Variants in CEP63 observed in about 807,000 individuals in gnomAD.
The protein encoded by CEP63 is centrosomal protein 63, also known as centrosomal protein of 63 kDa.
CEP63 carries 84 observed loss-of-function variants against 89.1 expected under a neutral mutation model. That is an observed-to-expected ratio of 0.94 (90% CI 0.79 to 1.13). The LOEUF (loss-of-function observed/expected upper bound fraction) is 1.13. Among genes scored for constraint, CEP63 ranks in the 50% most tolerant of loss-of-function variants. CEP63 has a pLI of 0.00. For synonymous variants in CEP63, 267 were observed against 272.5 expected (o/e 0.98, Z 0.20); for missense variants, 838 against 813.3 (o/e 1.03, Z -0.37).
the CEP63 span, among the ~76,000 whole-genome samples, chr3:134,646,512 T>A: frequency 6.6e-6 from 1 of 152,212 alleles, no homozygotes; most frequent in African/African-American, 2.4e-5. Flanking sequence ...ATATTTAGAA[T>A]CATGCCTGGC....
Position 134,495,332 on chromosome 3 carries a change from G to C in CEP63, c.12G>C (p.Leu4Phe), listed in dbSNP as rs1939431396. 6.2e-7 allele frequency: 1 copy of C among 1,613,626 alleles called. No individual in the cohort carries two copies. MEA[L>F]LEGIQNRGHG... is the part of the protein sequence containing the mutation. ...AAGGGGATTTGGTGATGGAGGCTTT[G>C]TTAGAAGGAATACAAAATCGAGGGC... The change falls in exon 2 of 15, where the codon TTG (leucine) becomes TTC (phenylalanine). Residue 4 changes from leucine (L) to phenylalanine (F), a missense_variant. Coordinates refer to ENST00000675561, the MANE Select transcript of CEP63 (RefSeq NM_001353108.3).
At chr3:134,771,729 T>C in the CEP63 span, among the ~76,000 whole-genome samples, 3 of 152,200 alleles carry the variant, frequency 2.0e-5, no homozygotes, top group African/African-American at 7.2e-5. Context: ...GGCACGTGTA[T>C]ACCTATGTAA....
chr3:134,633,555 C>T, the CEP63 span, among the ~76,000 whole-genome samples: 6 of 152,106 alleles, frequency 3.9e-5, no homozygotes, highest in African/African-American at 1.2e-4. Flanking sequence ...ATTTAACATC[C>T]GTTCATGATA....
chr3:134,642,036 C>T, the CEP63 span, among the ~76,000 whole-genome samples: 1 of 152,090 alleles, frequency 6.6e-6, no homozygotes, highest in Non-Finnish European at 1.5e-5. Context: ...GGTGGCAGGT[C>T]CTGCTGGGCC....
chr3:134,722,821 G>A, the CEP63 span, among the ~76,000 whole-genome samples: 667 of 151,956 alleles, frequency 4.4e-3, 4 homozygotes, highest in African/African-American at 0.015. Flanking sequence ...TTGTTATCAG[G>A]GCACTAGTCA....
the CEP63 span, among the ~76,000 whole-genome samples, chr3:134,599,918 C>T: frequency 1.3e-5 from 2 of 152,168 alleles, no homozygotes; most frequent in South Asian, 2.1e-4. Flanking sequence ...TCGATAATTA[C>T]ATTGTTGGAT....
downstream of CEP63, among the ~76,000 whole-genome samples, chr3:134,592,241 T>G (rs972432927): frequency 6.6e-6 from 1 of 152,212 alleles, no homozygotes; most frequent in Non-Finnish European, 1.5e-5. Context: ...CTGGCTTTGC[T>G]GAGAGCAAGT....
intron 6 of CEP63, among the ~76,000 whole-genome samples, chr3:134,542,940 C>CAAAAAAAAATGCAA: frequency 6.8e-6 from 1 of 147,684 alleles, no homozygotes; most frequent in Non-Finnish European, 1.5e-5. Flanking sequence ...GTGGTTAGTG[C>CAAAAAAAAATGCAA]AAAAAAAAAA....
the CEP63 span, among the ~76,000 whole-genome samples, chr3:134,735,886 G>A: frequency 1.3e-5 from 2 of 152,046 alleles, no homozygotes; most frequent in Non-Finnish European, 2.9e-5. Context: ...AAAGGGTGGG[G>A]AAAAGGGACT....
At chr3:134,541,439 A>G (rs1057003667) in intron 6 of CEP63, among the ~76,000 whole-genome samples, 7 of 150,810 alleles carry the variant, frequency 4.6e-5, no homozygotes, top group Admixed American at 1.3e-4. Context: ...TTTACTGACT[A>G]TTACATTTTC....
rs542139356 is a variant in CEP63, at chr3:134,584,884, A to G, written c.1207-2574A>G. 6.3e-4 allele frequency among the ~76,000 whole-genome samples: 95 copies of G among 149,700 alleles called. 2 individuals are homozygous for G. Among genetic ancestry groups the G allele is most frequent in the African/African-American group, 2.2e-3 (87 of 40,340 alleles). ...TGTTATTGGTCTATTCAGAGATTCA[A>G]CTTCTTCCTGGTTTAGTCTTGGGAG... On this transcript the variant is annotated intron_variant, in intron 10 of 10. Coordinates refer to the CEP63 transcript ENST00000683931.
At chr3:134,728,528 A>G in the CEP63 span, among the ~76,000 whole-genome samples, 2 of 152,210 alleles carry the variant, frequency 1.3e-5, no homozygotes, top group Non-Finnish European at 2.9e-5. Context: ...CATTTATTAA[A>G]CAGTCACTGA....
chr3:134,605,154 A>G, the CEP63 span, among the ~76,000 whole-genome samples: 2 of 151,860 alleles, frequency 1.3e-5, no homozygotes, highest in African/African-American at 4.8e-5. Context: ...CTGAAGTTTC[A>G]TCTTCGTCTG....
At chr3:134,752,684 A>T in the CEP63 span, among the ~76,000 whole-genome samples, 2 of 152,314 alleles carry the variant, frequency 1.3e-5, no homozygotes, top group East Asian at 3.9e-4. Context: ...CAAAGCCAGG[A>T]CAAGGGAGAG....
the CEP63 span, among the ~76,000 whole-genome samples, chr3:134,729,927 G>C: frequency 6.6e-6 from 1 of 152,104 alleles, no homozygotes; most frequent in Non-Finnish European, 1.5e-5. Flanking sequence ...TCATTCCCTA[G>C]ATTAAATGCT....
the CEP63 span, among the ~76,000 whole-genome samples, chr3:134,631,210 T>A: frequency 1.3e-5 from 2 of 152,116 alleles, no homozygotes; most frequent in African/African-American, 4.8e-5. Flanking sequence ...GCAAAAGACA[T>A]AAAACCTTAC....
chr3:134,683,860 G>T, the CEP63 span, among the ~76,000 whole-genome samples: 6 of 151,954 alleles, frequency 3.9e-5, no homozygotes, highest in African/African-American at 1.5e-4. Flanking sequence ...AGCTTCCATT[G>T]ACTGGGTTGG....
the CEP63 span, among the ~76,000 whole-genome samples, chr3:134,681,108 GCCCTGTTCCTATAAGGGGTCCT>G: frequency 6.6e-6 from 1 of 152,182 alleles, no homozygotes; most frequent in African/African-American, 2.4e-5. Flanking sequence ...CCCTCACAGG[GCCCTGTTCCTATAAGGGGTCCT>G]CTGATTTTGA....
chr3:134,562,843 C>T lies in CEP63; in HGVS notation c.*1308C>T, dbSNP rs1240180386. The T allele has an allele frequency of 6.6e-6, 1 of 152,340 alleles. No homozygotes were observed. The highest frequency in any genetic ancestry group is 1.5e-5 in the Non-Finnish European group (1 of 68,154). 9.4% of individuals were successfully genotyped at this position (152,340 alleles called of 1,614,324 possible). ...CCTCCACTCCATCTCATGGCTTTTC[C>T]TCTTCTAACCTCTAAGTCAGAGGGC... On this transcript the variant is annotated 3_prime_UTR_variant, in exon 15 of 15. Transcript: ENST00000675561.
Sources: gnomAD v4.1 joint callset for allele counts (sites outside exome capture counted in the v4.1 genomes callset) on GRCh38, gnomAD v4.1.1 for gene constraint, MANE v1.5 for transcripts, NCBI Gene and HGNC (gene_info 2026-07-23, HGNC 2026-07-21) for gene names.